The following INTS7 variants were observed in gnomAD, a reference collection of about 807,000 sequenced individuals.
INTS7 encodes the protein integrator complex subunit 7, also known as chromosome 1 open reading frame 73.
INTS7 carries 46 observed loss-of-function variants against 109.2 expected under a neutral mutation model. That is an observed-to-expected ratio of 0.42 (90% confidence interval 0.33 to 0.54). The LOEUF is 0.54. Among genes scored for constraint, INTS7 ranks in the 20% least tolerant of loss-of-function variants. The pLI is 0.07. For synonymous variants in INTS7, 412 were observed against 402.9 expected (o/e 1.02, Z -0.27); for missense variants, 929 against 1,132.4 (o/e 0.82, Z 2.58).
Position 211,999,825 on chromosome 1 carries a change from C to T in INTS7, c.879+6814G>A, listed in dbSNP as rs151035812. On this transcript the variant is annotated intron_variant, in intron 7 of 19. Transcript: ENST00000366994. The stretch of plus-strand genomic sequence containing the variant: ...ATCAAGGAAAAGGGGATATATAGGC[C>T]GGGCGTGGTGGCTCATGCCTGTAAT... 4.6e-5 allele frequency among the ~76,000 whole-genome samples: 7 copies of T among 152,194 alleles called. No homozygotes were observed. In the East Asian group the frequency reaches 1.2e-3, roughly 25 times the overall value.
chr1:211,952,162 TG>T (rs1355981247), intron 17 of INTS7, among the ~76,000 whole-genome samples: 1 of 152,326 alleles, frequency 6.6e-6, no homozygotes, highest in East Asian at 1.9e-4. Context: ...TACTAATGCC[TG>T]GGCCACAATT....
intron 7 of INTS7, among the ~76,000 whole-genome samples, chr1:211,995,675 G>A (rs986435054): frequency 1.3e-5 from 2 of 152,146 alleles, no homozygotes; most frequent in African/African-American, 2.4e-5. Context: ...GTGTCTCCCC[G>A]AAAATTCCTA....
chr1:211,969,282 C>CAAA (rs201346613), intron 13 of INTS7, among the ~76,000 whole-genome samples: 1 of 128,272 alleles, frequency 7.8e-6, no homozygotes, highest in African/African-American at 2.8e-5. Flanking sequence ...GAGACTGTCT[C>CAAA]AAAAAAAAAA....
intron 16 of INTS7, among the ~76,000 whole-genome samples, chr1:211,960,107 G>A (rs1268092311): frequency 3.3e-5 from 5 of 152,132 alleles, no homozygotes; most frequent in African/African-American, 4.8e-5. Context: ...CCTACCCAGC[G>A]CAGTCAGTTC....
intron 13 of INTS7, among the ~76,000 whole-genome samples, chr1:211,969,298 G>C (rs3010006): frequency 1.4e-4 from 21 of 149,976 alleles, no homozygotes; most frequent in African/African-American, 5.1e-4. Context: ...AAAAAACAAA[G>C]AAAAAAGAAG....
intron 7 of INTS7, among the ~76,000 whole-genome samples, chr1:212,005,298 G>A (rs1004462548): frequency 9.2e-5 from 14 of 152,162 alleles, no homozygotes; most frequent in Admixed American, 3.9e-4. Context: ...GAAGAGCAAA[G>A]AAATTATTAT....
chr1:211,981,666 T>C (rs17018311), intron 9 of INTS7, among the ~76,000 whole-genome samples: 3,932 of 152,258 alleles, frequency 0.026, 57 homozygotes, highest in African/African-American at 0.045. Context: ...TATTACTGTT[T>C]TAAGTCTGAC....
intron 7 of INTS7, among the ~76,000 whole-genome samples, chr1:211,999,478 T>C (rs940118133): frequency 3.9e-5 from 6 of 152,190 alleles, no homozygotes; most frequent in Non-Finnish European, 1.5e-5. Flanking sequence ...CAGAGGGGCC[T>C]GCAGAAACTT....
chr1:211,948,692 T>C (rs1431654275), intron 17 of INTS7, among the ~76,000 whole-genome samples: 1 of 152,104 alleles, frequency 6.6e-6, no homozygotes, highest in Non-Finnish European at 1.5e-5. Flanking sequence ...CAGAAAGACG[T>C]TAACGCTTTT....
At chr1:212,032,963 T>C (rs940781109) in intron 1 of INTS7, among the ~76,000 whole-genome samples, 15 of 152,246 alleles carry the variant, frequency 9.9e-5, no homozygotes, top group African/African-American at 3.6e-4. Flanking sequence ...CTCCAGTCCC[T>C]TTCATTGCTT....
chr1:212,012,003 T>C (rs3009991), intron 4 of INTS7, among the ~76,000 whole-genome samples: 12,663 of 152,194 alleles, frequency 0.083, 745 homozygotes, highest in African/African-American at 0.17. Context: ...ATAGAATAAT[T>C]TGGTTTTTCA....
At chr1:211,986,658 T>C (rs1360055656) in intron 8 of INTS7, among the ~76,000 whole-genome samples, 3 of 152,186 alleles carry the variant, frequency 2.0e-5, no homozygotes, top group African/African-American at 4.8e-5. Context: ...GAGTATATTC[T>C]GGAAACAAAT....
chr1:211,962,182 A>G (rs1482388723), intron 16 of INTS7, among the ~76,000 whole-genome samples: 1 of 151,898 alleles, frequency 6.6e-6, no homozygotes, highest in African/African-American at 2.4e-5. Context: ...AGAAAAACCT[A>G]ACAAGCAAAT....
intron 13 of INTS7, among the ~76,000 whole-genome samples, chr1:211,971,897 A>G (rs973404852): frequency 5.4e-5 from 8 of 147,814 alleles, no homozygotes; most frequent in African/African-American, 2.0e-4. Flanking sequence ...GCCTGGTGAC[A>G]AGAGTGAAAC....
Position 211,976,645 on chromosome 1 carries a change from CT to C in INTS7, c.1544del (p.Gln515ArgfsTer36). 6.2e-7 allele frequency: 1 copy of C among 1,613,874 alleles called. No homozygotes were observed. On this transcript the variant is annotated frameshift_variant, in exon 12 of 20. Transcript: ENST00000366994. LOFTEE classifies it high-confidence loss of function. ...LSVESKAVIK[Q>X]QLESVSNGWT... ...ATCCATTGGAGACACTTTCAAGCTG[CT>C]GCTTAATTACTGCCTTACTTTCCAC... is the stretch of plus-strand genomic sequence containing the variant.
intron 4 of INTS7, among the ~76,000 whole-genome samples, chr1:212,016,081 T>C (rs1666428644): frequency 6.6e-6 from 1 of 152,208 alleles, no homozygotes; most frequent in African/African-American, 2.4e-5. Context: ...TTCTATTGTA[T>C]GATCATAATT....
At chr1:212,025,030 G>A (rs182418264) in intron 1 of INTS7, among the ~76,000 whole-genome samples, 4 of 152,270 alleles carry the variant, frequency 2.6e-5, no homozygotes, top group South Asian at 2.1e-4. Flanking sequence ...ACTCACATGT[G>A]GTTTCTGGAC....
chr1:212,016,808 T>A, intron 4 of INTS7, 78 bp downstream of exon 4: 1 of 1,131,828 alleles, frequency 8.8e-7, no homozygotes, highest in East Asian at 2.6e-5. Context: ...AGTGTTTATA[T>A]AAGTTGATCA....
intron 13 of INTS7, among the ~76,000 whole-genome samples, chr1:211,969,488 T>A (rs77494163): frequency 0.01 from 1,568 of 151,046 alleles, 7 homozygotes; most frequent in Non-Finnish European, 0.018. Context: ...TAAAAAAAAA[T>A]GGACATTGCC....
Sources: gnomAD v4.1 joint callset for allele counts (sites outside exome capture counted in the v4.1 genomes callset) on GRCh38, gnomAD v4.1.1 for gene constraint, MANE v1.5 for transcripts, NCBI Gene and HGNC (gene_info 2026-07-23, HGNC 2026-07-21) for gene names.